The following TRIM49C variants were observed in gnomAD, a reference collection of about 807,000 sequenced individuals.
TRIM49C encodes the protein tripartite motif-containing protein 49C.
In TRIM49C, 6 loss-of-function variants were observed where a neutral mutation model predicts 21.4. The ratio of observed to expected loss-of-function variants is 0.28; its 90% CI spans 0.15 to 0.55. TRIM49C has a LOEUF of 0.55. Among genes scored for constraint, TRIM49C ranks in the 20% least tolerant of loss-of-function variants. The probability of loss-of-function intolerance (pLI) is 0.94; values close to 1 mark genes in which losing one functional copy is unlikely to be tolerated. For missense variants in TRIM49C, 161 were observed against 442.4 expected (o/e 0.36, Z 5.71); for synonymous variants, 57 against 148.1 (o/e 0.38, Z 4.47).
At chr11:90,066,951 A>G in the TRIM49C span, among the ~76,000 whole-genome samples, 2 of 137,648 alleles carry the variant, frequency 1.5e-5, no homozygotes, top group Admixed American at 1.7e-4. Flanking sequence ...TATTTTTAGT[A>G]GAGGTAAGGT....
the TRIM49C span, chr11:90,062,966 T>C: frequency 7.2e-7 from 1 of 1,385,732 alleles, no homozygotes; most frequent in South Asian, 1.4e-5. Context: ...AATGAGCTCA[T>C]TCTGGAAGAC....
downstream of TRIM49C, among the ~76,000 whole-genome samples, chr11:90,046,721 C>T (rs1950803723): frequency 1.6e-5 from 2 of 124,688 alleles, 1 homozygote; most frequent in Admixed American, 1.8e-4. Context: ...AAAACCAGCT[C>T]CTGGATTCAC....
the TRIM49C span, among the ~76,000 whole-genome samples, chr11:90,062,252 G>A: frequency 7.5e-6 from 1 of 133,334 alleles, no homozygotes; most frequent in Non-Finnish European, 1.6e-5. Flanking sequence ...AGAGTTTTAA[G>A]GGACCCTTCA....
At chr11:90,072,216 T>C in the TRIM49C span, among the ~76,000 whole-genome samples, 3 of 142,654 alleles carry the variant, frequency 2.1e-5, no homozygotes, top group South Asian at 7.1e-4. Flanking sequence ...ATAATTTTAA[T>C]CACGTGCATT....
the TRIM49C span, chr11:90,062,194 A>C: frequency 6.9e-6 from 3 of 435,816 alleles, no homozygotes; most frequent in Admixed American, 1.4e-4. Context: ...AAGTTAAACG[A>C]ATATGATTCT....
chr11:90,035,633 G>C lies in TRIM49C; in HGVS notation c.411+11G>C, dbSNP rs540451668. The C allele has an allele frequency of 6.2e-4, 842 of 1,355,246 alleles. 107 individuals are homozygous for C. In the African/African-American group the frequency reaches 0.014, roughly 22 times the overall value. 84.0% of individuals were successfully genotyped at this position (1,355,246 alleles called of 1,614,324 possible). A position where few individuals can be genotyped will look rare whatever the true frequency, so the allele number is the denominator to read the frequency against. On this transcript the variant is annotated intron_variant, in intron 3 of 7. Transcript: ENST00000448984. ...GCTGAGGAACACCGGGTAAGTGATG[G>C]CTCTGAAGATCGATTTCTGTAAAGG...
the TRIM49C span, chr11:90,062,838 G>A: frequency 2.2e-6 from 3 of 1,389,434 alleles, no homozygotes; most frequent in Non-Finnish European, 2.9e-6. Flanking sequence ...TTTTCTGCAT[G>A]AAGGGCAGCG....
the TRIM49C span, among the ~76,000 whole-genome samples, chr11:90,059,738 TA>T: frequency 2.8e-4 from 35 of 126,846 alleles, no homozygotes; most frequent in African/African-American, 1.1e-3. Flanking sequence ...CAAAGGAGTC[TA>T]ATTCCAGCCT....
chr11:90,046,071 C>A (rs1950799588), downstream of TRIM49C, among the ~76,000 whole-genome samples: 1 of 121,464 alleles, frequency 8.2e-6, no homozygotes, highest in Non-Finnish European at 1.7e-5. Flanking sequence ...TGTTTATATG[C>A]TGGATTACAT....
In TRIM49C at chr11:90,039,759, A is replaced by G. The variant is rs1251045495; in HGVS notation, c.762-106A>G. ...GGAAGGATTAATTTTTGAATTATCA[A>G]ATGTGTAGATTCAAAGGATTCTCAT... On this transcript the variant is annotated intron_variant, in intron 6 of 7. Coordinates refer to ENST00000448984, the MANE Select transcript of TRIM49C (RefSeq NM_001195234.1). The G allele has an allele frequency of 1.4e-5, 17 of 1,205,602 alleles. 3 individuals carry two copies. The highest frequency in any genetic ancestry group is 2.3e-6 in the Non-Finnish European group (2 of 886,696). 74.7% of individuals were successfully genotyped at this position (1,205,602 alleles called of 1,614,324 possible). A position where few individuals can be genotyped will look rare whatever the true frequency, so the allele number is the denominator to read the frequency against.
the TRIM49C span, chr11:90,050,069 C>T: frequency 8.6e-6 from 1 of 116,478 alleles, no homozygotes; most frequent in Non-Finnish European, 1.7e-5. Flanking sequence ...TTTGTGGGAG[C>T]TCCACAAAGT....
rs866638448 is a variant in TRIM49C at position 90,034,182 on chromosome 11, C to T, written c.-4-1026C>T. On this transcript the variant is annotated intron_variant, in intron 2 of 7. Transcript: ENST00000448984. ...TTCAGAACAAGTTTCAGGAGAGAGA[C>T]GGAGGAAGTTGCCTTTTTTCTGCCT... Among the ~76,000 whole-genome samples the T allele has an allele frequency of 1.5e-3, 165 of 112,310 alleles. 3 individuals are homozygous for T. The highest frequency in any genetic ancestry group is 2.1e-3 in the African/African-American group (47 of 22,416). The allele number at this position is 112,310 out of a possible 152,430, so 73.7% of individuals were successfully genotyped here. A position where few individuals can be genotyped will look rare whatever the true frequency, so the allele number is the denominator to read the frequency against.
chr11:90,038,977 T>G (rs1352015484), intron 6 of TRIM49C, among the ~76,000 whole-genome samples: 1 of 138,362 alleles, frequency 7.2e-6, no homozygotes, highest in Non-Finnish European at 1.6e-5. Flanking sequence ...TGGAGTGCAA[T>G]GGCGCCATCT....
the TRIM49C span, among the ~76,000 whole-genome samples, chr11:90,066,174 C>G: frequency 7.5e-6 from 1 of 133,788 alleles, no homozygotes; most frequent in African/African-American, 2.7e-5. Flanking sequence ...GCACCTGCCA[C>G]TAAGCCCAGC....
In TRIM49C at chr11:90,039,234, T is replaced by C. The variant is rs543064725; in HGVS notation, c.761+519T>C. On this transcript the variant is annotated intron_variant, in intron 6 of 7. Coordinates refer to ENST00000448984, the MANE Select transcript of TRIM49C (RefSeq NM_001195234.1). ...GTGCCCGGCCCCTGATTTTGTTTTA[T>C]TGCTTGAAAGCCTGCACAGGAGAAA... 5.2e-3 allele frequency among the ~76,000 whole-genome samples: 678 copies of C among 130,078 alleles called. 33 individuals are homozygous for C. Among genetic ancestry groups the C allele is most frequent in the African/African-American group, 0.019 (648 of 34,234 alleles). 85.3% of individuals were successfully genotyped at this position (130,078 alleles called of 152,430 possible). A position where few individuals can be genotyped will look rare whatever the true frequency, so the allele number is the denominator to read the frequency against.
downstream of TRIM49C, among the ~76,000 whole-genome samples, chr11:90,045,695 T>C (rs1950797430): frequency 1.0e-5 from 1 of 95,558 alleles, no homozygotes; most frequent in Non-Finnish European, 2.0e-5. Flanking sequence ...TGGGGTTTTC[T>C]AAACATACAA....
At chr11:90,055,993 C>G in the TRIM49C span, among the ~76,000 whole-genome samples, 1 of 116,000 alleles carries the variant, frequency 8.6e-6, no homozygotes, top group African/African-American at 3.2e-5. Context: ...GAGTCCCGCT[C>G]TTTAGCCCAG....
chr11:90,049,292 C>A, the TRIM49C span, among the ~76,000 whole-genome samples: 1 of 98,542 alleles, frequency 1.0e-5, no homozygotes, highest in Non-Finnish European at 1.9e-5. Flanking sequence ...AGCTGTCAGA[C>A]AGGGACATTT....
chr11:90,072,071 G>T, the TRIM49C span, among the ~76,000 whole-genome samples: 4 of 141,198 alleles, frequency 2.8e-5, no homozygotes, highest in Non-Finnish European at 4.6e-5. Context: ...ACAATTTCAT[G>T]TATACAATTA....
Sources: allele counts gnomAD v4.1 joint callset (sites outside exome capture counted in the v4.1 genomes callset), GRCh38; gene constraint gnomAD v4.1.1; transcripts MANE v1.5; gene names NCBI Gene and HGNC (gene_info 2026-07-23, HGNC 2026-07-21).